The following DPYD variants were observed in gnomAD, a reference collection of about 807,000 sequenced individuals.
DPYD encodes dihydropyrimidine dehydrogenase.
Under a neutral mutation model 116.2 loss-of-function variants are expected in DPYD, and 109 were observed. That is an observed-to-expected ratio of 0.94 (90% confidence interval 0.80 to 1.10). DPYD has a LOEUF of 1.10. Among genes scored for constraint, DPYD ranks in the 50% least tolerant of loss-of-function variants. The pLI is 0.00. For synonymous variants in DPYD, 440 were observed against 432.0 expected (o/e 1.02, Z -0.23); for missense variants, 1,302 against 1,254.5 (o/e 1.04, Z -0.57).
chr1:97,477,313 A>G (rs1250665201), intron 13 of DPYD, among the ~76,000 whole-genome samples: 1 of 152,170 alleles, frequency 6.6e-6, no homozygotes, highest in African/African-American at 2.4e-5. Context: ...TTCCTCATCC[A>G]TCCATGTTTT....
intron 20 of DPYD, among the ~76,000 whole-genome samples, chr1:97,113,768 C>T (rs955137687): frequency 1.6e-4 from 24 of 151,768 alleles, no homozygotes; most frequent in Admixed American, 4.6e-4. Context: ...TTTATTAATA[C>T]AATAAACAAG....
At chr1:97,350,356 A>T (rs904792886) in intron 16 of DPYD, among the ~76,000 whole-genome samples, 7 of 152,156 alleles carry the variant, frequency 4.6e-5, no homozygotes, top group Non-Finnish European at 8.8e-5. Context: ...TATACAACTG[A>T]TACTTAAAAA....
chr1:97,815,861 G>T (rs1323830126), intron 3 of DPYD, among the ~76,000 whole-genome samples: 1 of 152,112 alleles, frequency 6.6e-6, no homozygotes, highest in Non-Finnish European at 1.5e-5. Flanking sequence ...CTTTTGAAAA[G>T]ACTAGAGGAA....
chr1:97,177,329 A>G (rs565712021), intron 20 of DPYD, among the ~76,000 whole-genome samples: 1 of 152,306 alleles, frequency 6.6e-6, no homozygotes, highest in Admixed American at 6.5e-5. Flanking sequence ...TGAATGTCAC[A>G]CAGATTTTGC....
intron 3 of DPYD, among the ~76,000 whole-genome samples, chr1:97,793,453 A>C (rs6690447): frequency 0.99 from 150,257 of 152,252 alleles, 74,172 homozygotes; most frequent in Middle Eastern, 1. Flanking sequence ...TAACTAACTG[A>C]TTTCAAGACT....
chr1:97,482,261 C>T (rs1023688166), intron 13 of DPYD, among the ~76,000 whole-genome samples: 9 of 152,108 alleles, frequency 5.9e-5, no homozygotes, highest in Admixed American at 2.0e-4. Flanking sequence ...TGTCTTATTC[C>T]TCCTTTAAAG....
At chr1:97,609,502 T>G (rs576149534) in intron 8 of DPYD, among the ~76,000 whole-genome samples, 1 of 152,124 alleles carries the variant, frequency 6.6e-6, no homozygotes, top group Non-Finnish European at 1.5e-5. Flanking sequence ...ATTTATTACT[T>G]AAAAATATTT....
chr1:97,121,498 A>T (rs1652427392), intron 20 of DPYD, among the ~76,000 whole-genome samples: 1 of 152,192 alleles, frequency 6.6e-6, no homozygotes, highest in Non-Finnish European at 1.5e-5. Context: ...TGTTTTTAAC[A>T]TACTGCAGGT....
chr1:97,311,202 T>C (rs76805496), intron 16 of DPYD, among the ~76,000 whole-genome samples: 6,048 of 151,876 alleles, frequency 0.04, 159 homozygotes, highest in Middle Eastern at 0.1. Flanking sequence ...AAAATGTTAA[T>C]ATATTTAAAA....
At chr1:97,130,927 CTCTCTCTA>C (rs976387954) in intron 20 of DPYD, among the ~76,000 whole-genome samples, 16 of 134,036 alleles carry the variant, frequency 1.2e-4, no homozygotes, top group Middle Eastern at 3.7e-3. Context: ...CCCTCTTTCT[CTCTCTCTA>C]TCTATCTATC....
In DPYD at chr1:97,347,863, T is replaced by C. The variant is rs182092618; in HGVS notation, c.2058+25698A>G. Among the ~76,000 whole-genome samples the C allele has an allele frequency of 5.6e-4, 85 of 152,256 alleles. No individual in the cohort carries two copies. In the Middle Eastern group the frequency reaches 0.017, roughly 30 times the overall value. Reference sequence around the variant, plus strand: ...TCTCAAGAATACAATATATCATTTTTTTTGCTATAGTCTGTAATAGCTTAA... The same window carrying C: ...TCTCAAGAATACAATATATCATTTTCTTTGCTATAGTCTGTAATAGCTTAA... On this transcript the variant is annotated intron_variant, in intron 16 of 22. Transcript: ENST00000370192.
In DPYD at chr1:97,150,261, G is replaced by A. The variant is rs991754822; in HGVS notation, c.2622+42808C>T. ...CTCCTGCAAATGTTTAGTACACACTGTATCTTAAAAAAAAAAAACTAAAAT... is the reference window on the plus strand; with the variant it reads ...CTCCTGCAAATGTTTAGTACACACTATATCTTAAAAAAAAAAAACTAAAAT... On this transcript the variant is annotated intron_variant, in intron 20 of 22. Transcript: ENST00000370192. 5.6e-5 allele frequency among the ~76,000 whole-genome samples: 7 copies of A among 124,328 alleles called. No individual in the cohort carries two copies. The Admixed American group carries it at 5.9e-4, about 11-fold the overall frequency. 81.6% of individuals were successfully genotyped at this position (124,328 alleles called of 152,430 possible). A position where few individuals can be genotyped will look rare whatever the true frequency, so the allele number is the denominator to read the frequency against.
At chr1:97,870,042 C>A (rs1671580775) in intron 2 of DPYD, among the ~76,000 whole-genome samples, 1 of 151,786 alleles carries the variant, frequency 6.6e-6, no homozygotes, top group Non-Finnish European at 1.5e-5. Flanking sequence ...GTAGTATATA[C>A]AGTTATTGAT....
chr1:97,630,309 T>C (rs1557848065), intron 8 of DPYD, among the ~76,000 whole-genome samples: 1 of 152,122 alleles, frequency 6.6e-6, no homozygotes, highest in African/African-American at 2.4e-5. Flanking sequence ...CCTAACCAGT[T>C]ACTTTTGTTT....
At chr1:97,564,735 T>A (rs1027321107) in intron 11 of DPYD, among the ~76,000 whole-genome samples, 7 of 152,178 alleles carry the variant, frequency 4.6e-5, no homozygotes. Context: ...TCCTGACTAT[T>A]CTACTTAAGA....
At chr1:97,446,858 T>C (rs969992615) in intron 14 of DPYD, among the ~76,000 whole-genome samples, 4 of 152,154 alleles carry the variant, frequency 2.6e-5, no homozygotes, top group Non-Finnish European at 5.9e-5. Flanking sequence ...ATAATAAGCA[T>C]TACAAAATCT....
chr1:97,249,328 GA>G (rs1249195051), intron 18 of DPYD, among the ~76,000 whole-genome samples: 1 of 151,928 alleles, frequency 6.6e-6, no homozygotes, highest in African/African-American at 2.4e-5. Flanking sequence ...TCAATGAGGG[GA>G]AAAAAGCCAT....
At chr1:97,158,389 T>C (rs1040082752) in intron 20 of DPYD, among the ~76,000 whole-genome samples, 1 of 151,422 alleles carries the variant, frequency 6.6e-6, no homozygotes, top group Non-Finnish European at 1.5e-5. Flanking sequence ...ATATTTTTAT[T>C]TATGATAGAT....
intron 20 of DPYD, among the ~76,000 whole-genome samples, chr1:97,158,519 A>ACC (rs1655660101): frequency 7.0e-6 from 1 of 142,428 alleles, no homozygotes; most frequent in Non-Finnish European, 1.5e-5. Context: ...ACACACACAC[A>ACC]CACACTCTAT....
Sources: allele counts gnomAD v4.1 joint callset (sites outside exome capture counted in the v4.1 genomes callset), GRCh38; gene constraint gnomAD v4.1.1; transcripts MANE v1.5; gene names NCBI Gene and HGNC (gene_info 2026-07-23, HGNC 2026-07-21).